The following DLG2 variants were observed in gnomAD, a reference collection of about 807,000 sequenced individuals.
DLG2 encodes discs large MAGUK scaffold protein 2.
DLG2 carries 45 observed loss-of-function variants against 132.5 expected under a neutral mutation model. The ratio of observed to expected loss-of-function variants is 0.34; its 90% CI spans 0.27 to 0.44. The LOEUF is 0.44. DLG2 is among the 20% of genes least tolerant of loss of function. The pLI is 1.00. For synonymous variants in DLG2, 424 were observed against 419.6 expected (o/e 1.01, Z -0.13); for missense variants, 1,045 against 1,196.9 (o/e 0.87, Z 1.87).
chr11:84,451,813 T>C (rs940409150), intron 7 of DLG2, among the ~76,000 whole-genome samples: 31 of 151,654 alleles, frequency 2.0e-4, no homozygotes, highest in Admixed American at 1.9e-3. Context: ...AGCAGATAAA[T>C]GGAATAAAAG....
chr11:85,160,560 A>G (rs72961567), intron 4 of DLG2, among the ~76,000 whole-genome samples: 14,362 of 152,220 alleles, frequency 0.094, 913 homozygotes, highest in African/African-American at 0.18. Flanking sequence ...CATGAACTAA[A>G]TGCTTTCTGA....
chr11:84,226,979 C>T (rs2097006439), intron 8 of DLG2, among the ~76,000 whole-genome samples: 1 of 151,836 alleles, frequency 6.6e-6, no homozygotes, highest in Admixed American at 6.6e-5. Flanking sequence ...CCAATCACTC[C>T]GGAGGCTGGG....
At chr11:84,078,222 T>A (rs911384412) in intron 10 of DLG2, among the ~76,000 whole-genome samples, 1 of 152,160 alleles carries the variant, frequency 6.6e-6, no homozygotes, top group East Asian at 1.9e-4. Context: ...TTTCTGTATA[T>A]GTAAGTGATC....
At chr11:85,171,698 A>G (rs1325150106) in intron 4 of DLG2, among the ~76,000 whole-genome samples, 2 of 152,104 alleles carry the variant, frequency 1.3e-5, no homozygotes, top group African/African-American at 4.8e-5. Flanking sequence ...CAGGCTGGAG[A>G]CTGCCTGAAA....
At chr11:84,424,070 A>G (rs2098958988) in intron 7 of DLG2, among the ~76,000 whole-genome samples, 1 of 152,126 alleles carries the variant, frequency 6.6e-6, no homozygotes, top group Non-Finnish European at 1.5e-5. Context: ...CCCTACCTCC[A>G]CAGATGATGC....
Position 84,124,847 on chromosome 11 carries a change from C to CTTTTT in DLG2, c.625-25805_625-25801dup, listed in dbSNP as rs34177526. 5.0e-5 allele frequency among the ~76,000 whole-genome samples: 6 copies of CTTTTT among 121,200 alleles called. 1 individual carries two copies. The highest frequency in any genetic ancestry group is 4.9e-5 in the Non-Finnish European group (3 of 61,006). The allele number at this position is 121,200 out of a possible 152,430, so 79.5% of individuals were successfully genotyped here. A position where few individuals can be genotyped will look rare whatever the true frequency, so the allele number is the denominator to read the frequency against. On this transcript the variant is annotated intron_variant, in intron 9 of 27. Coordinates refer to ENST00000376104, the MANE Select transcript of DLG2 (RefSeq NM_001142699.3). ...TTTGTTGAGAAATAACTTGTTTTCA[C>CTTTTT]TTTTTTTTTTTTTTTTTTTTGAGAG... is the stretch of plus-strand genomic sequence containing the variant.
chr11:85,476,353 G>A (rs1442450299), intron 3 of DLG2, among the ~76,000 whole-genome samples: 2 of 60,392 alleles, frequency 3.3e-5, no homozygotes, highest in South Asian at 4.6e-4. Context: ...GTGAGTAAAT[G>A]TGAAGGCCTA....
At chr11:84,870,154 G>A (rs10501577) in intron 6 of DLG2, among the ~76,000 whole-genome samples, 3,739 of 152,238 alleles carry the variant, frequency 0.025, 175 homozygotes, top group African/African-American at 0.086. Flanking sequence ...CCATCAAGGT[G>A]GACATATAGA....
chr11:84,318,121 A>G (rs1042884646), intron 7 of DLG2, among the ~76,000 whole-genome samples: 5 of 152,210 alleles, frequency 3.3e-5, no homozygotes, highest in South Asian at 2.1e-4. Flanking sequence ...TCTGCCATAC[A>G]GTATTTTGGT....
Position 85,498,497 on chromosome 11 carries a change from C to A in DLG2, c.40+100160G>T, listed in dbSNP as rs555034009. Among the ~76,000 whole-genome samples the A allele has an allele frequency of 7.9e-5, 12 of 152,212 alleles. No individual in the cohort carries two copies. The South Asian group carries it at 2.5e-3, about 32-fold the overall frequency. On this transcript the variant is annotated intron_variant, in intron 3 of 27. Transcript: ENST00000376104. ...ATAATAATGGGAGACTTTAACACCC[C>A]ATTGTCAATATTAGACAGATCAGCT...
chr11:84,952,203 T>C (rs1206968657), intron 6 of DLG2, among the ~76,000 whole-genome samples: 1 of 152,216 alleles, frequency 6.6e-6, no homozygotes, highest in Admixed American at 6.5e-5. Context: ...ACTCACTGCC[T>C]CTAATGTGCC....
At chr11:84,469,752 T>C (rs1348141583) in intron 7 of DLG2, among the ~76,000 whole-genome samples, 1 of 151,600 alleles carries the variant, frequency 6.6e-6, no homozygotes, top group Admixed American at 6.6e-5. Flanking sequence ...CCTTATTAAA[T>C]AGTCACATGG....
Position 84,401,468 on chromosome 11 carries a change from G to C in DLG2, c.519+133102C>G, listed in dbSNP as rs114749473. ...TTCTGTTTGCCCAGGGGTTAGCAGA[G>C]TGCCTAACGTGGTAGGCACTCTATA... is the stretch of plus-strand genomic sequence containing the variant. On this transcript the variant is annotated intron_variant, in intron 7 of 27. Transcript: ENST00000376104. 1.9e-3 allele frequency among the ~76,000 whole-genome samples: 285 copies of C among 152,166 alleles called. 1 individual carries two copies. The highest frequency in any genetic ancestry group is 0.01 in the Middle Eastern group (3 of 294).
chr11:84,951,458 C>T (rs894366969), intron 6 of DLG2, among the ~76,000 whole-genome samples: 1 of 151,766 alleles, frequency 6.6e-6, no homozygotes, highest in African/African-American at 2.4e-5. Context: ...TAGGGTAGGA[C>T]CTAATTATTA....
intron 4 of DLG2, among the ~76,000 whole-genome samples, chr11:85,280,650 T>C (rs998355359): frequency 6.6e-5 from 10 of 151,924 alleles, no homozygotes; most frequent in African/African-American, 2.4e-4. Flanking sequence ...TGTCCATTTT[T>C]TTACACCAAA....
chr11:85,161,013 G>A (rs549967702), intron 4 of DLG2, among the ~76,000 whole-genome samples: 3 of 152,232 alleles, frequency 2.0e-5, no homozygotes, highest in Non-Finnish European at 4.4e-5. Flanking sequence ...TTCATGGGCT[G>A]TAGCCAATGG....
At chr11:84,269,320 T>C (rs954218376) in intron 7 of DLG2, among the ~76,000 whole-genome samples, 1 of 152,248 alleles carries the variant, frequency 6.6e-6, no homozygotes, top group Non-Finnish European at 1.5e-5. Flanking sequence ...ATTCATTGAA[T>C]AGACGAACAC....
chr11:84,775,285 T>C (rs2153896843), intron 6 of DLG2, among the ~76,000 whole-genome samples: 1 of 152,060 alleles, frequency 6.6e-6, no homozygotes, highest in South Asian at 2.1e-4. Flanking sequence ...CAGATGTTGA[T>C]GAGCTTGTGG....
chr11:84,856,198 A>G (rs2082765293), intron 6 of DLG2, among the ~76,000 whole-genome samples: 1 of 152,128 alleles, frequency 6.6e-6, no homozygotes, highest in Admixed American at 6.6e-5. Flanking sequence ...CTTCTTCGAA[A>G]AAACAGTCTT....
Sources: allele counts gnomAD v4.1 joint callset (sites outside exome capture counted in the v4.1 genomes callset), GRCh38; gene constraint gnomAD v4.1.1; transcripts MANE v1.5; gene names NCBI Gene and HGNC (gene_info 2026-07-23, HGNC 2026-07-21).